MARCHF3: variants seen among roughly 807,000 people sequenced by gnomAD.
MARCHF3 encodes E3 ubiquitin-protein ligase MARCHF3.
A neutral mutation model predicts 24.2 loss-of-function variants in MARCHF3; 13 were observed. The ratio of observed to expected loss-of-function variants is 0.54; its 90% CI spans 0.35 to 0.85. The LOEUF is 0.85. MARCHF3 is among the 40% of genes least tolerant of loss of function. The pLI, the probability that MARCHF3 is intolerant of heterozygous loss-of-function variation, is 0.01. For missense variants in MARCHF3, 276 were observed against 325.0 expected (o/e 0.85, Z 1.16); for synonymous variants, 144 against 137.3 (o/e 1.05, Z -0.34).
intron 1 of MARCHF3, among the ~76,000 whole-genome samples, chr5:126,949,465 T>C (rs1750140001): frequency 6.6e-6 from 1 of 152,212 alleles, no homozygotes; most frequent in Admixed American, 6.5e-5. Context: ...GAGCTATTAA[T>C]ACATCCTGAA....
intron 1 of MARCHF3, among the ~76,000 whole-genome samples, chr5:126,980,238 T>G (rs1445261071): frequency 1.3e-5 from 2 of 152,136 alleles, no homozygotes; most frequent in Non-Finnish European, 1.5e-5. Flanking sequence ...GGGGCAGCCA[T>G]GTGGGAGCCC....
chr5:126,970,558 TA>T (rs1458062225), intron 1 of MARCHF3, among the ~76,000 whole-genome samples: 1 of 152,094 alleles, frequency 6.6e-6, no homozygotes, highest in African/African-American at 2.4e-5. Flanking sequence ...CAGGAACATC[TA>T]ATGTGTTTGT....
chr5:126,898,705 A>G (rs895189834), intron 3 of MARCHF3, among the ~76,000 whole-genome samples: 4 of 152,002 alleles, frequency 2.6e-5, no homozygotes, highest in Non-Finnish European at 4.4e-5. Context: ...TATAAATTCT[A>G]TTTTACAACT....
At position 126,915,081 on chromosome 5, in the gene MARCHF3, T is replaced by A. The variant is rs774477667; in HGVS notation, c.242A>T (p.Glu81Val). 3 of 1,614,212 alleles carry A rather than the reference T, an allele frequency of 1.9e-6. No homozygotes were observed. Among genetic ancestry groups the A allele is most frequent in the Non-Finnish European group, 1.7e-6 (2 of 1,180,042 alleles). ...CRICHEGSSQEDLLSPCECTG... is the reference protein window; with the variant it reads ...CRICHEGSSQVDLLSPCECTG... The stretch of plus-strand genomic sequence containing the variant: ...ACATTCACATGGAGAGAGCAAGTCC[T>A]CTTGGCTGCTGCCCTCGTGGCAGAT... The change falls in exon 3 of 5, where the codon GAG (glutamate) becomes GTG (valine). Residue 81 changes from glutamate (E) to valine (V), a missense_variant. Physicochemically the swap from Glu to Val is moderately radical, Grantham distance 121. Transcript: ENST00000308660.
intron 3 of MARCHF3, among the ~76,000 whole-genome samples, chr5:126,885,705 A>G (rs929198260): frequency 6.6e-6 from 1 of 152,232 alleles, no homozygotes. Flanking sequence ...ATTGGAAAGG[A>G]GAAACTTTGT....
rs1336046227 is a variant in MARCHF3, at chr5:126,916,675, T to TGACA, written c.188+1305_188+1308dup. On this transcript the variant is annotated intron_variant, in intron 2 of 4. Coordinates refer to ENST00000308660, the MANE Select transcript of MARCHF3 (RefSeq NM_178450.5). ...TGGTGGGAAAGCAGGTAAAAATACC[T>TGACA]GACAGACAGACAGACAGACACACAC... is the stretch of plus-strand genomic sequence containing the variant. Among the ~76,000 whole-genome samples the TGACA allele has an allele frequency of 5.3e-4, 59 of 112,322 alleles. 1 individual carries two copies. Among genetic ancestry groups the TGACA allele is most frequent in the Middle Eastern group, 8.8e-3 (2 of 226 alleles). 73.7% of individuals were successfully genotyped at this position (112,322 alleles called of 152,430 possible). A position where few individuals can be genotyped will look rare whatever the true frequency, so the allele number is the denominator to read the frequency against.
chr5:127,014,622 C>T (rs1290077992), intron 1 of MARCHF3, among the ~76,000 whole-genome samples: 1 of 152,080 alleles, frequency 6.6e-6, no homozygotes, highest in Non-Finnish European at 1.5e-5. Flanking sequence ...TACTATCCAG[C>T]CTTAAAAAAG....
intron 1 of MARCHF3, among the ~76,000 whole-genome samples, chr5:126,946,772 GTGTGTGTGTGTGTGTGTGTGTGTGTC>G (rs1311292435): frequency 2.0e-5 from 3 of 150,046 alleles, no homozygotes; most frequent in African/African-American, 7.4e-5. Flanking sequence ...GTGTGTGTGT[GTGTGTGTGTGTGTGTGTGTGTGTGTC>G]TGTGTGTGTG....
In MARCHF3 at chr5:126,870,406, G is replaced by T; in HGVS notation, c.*227C>A. On this transcript the variant is annotated 3_prime_UTR_variant, in exon 5 of 5. Transcript: ENST00000308660. The stretch of plus-strand genomic sequence containing the variant: ...AGTATCTGCTAAATAAACATGTTTG[G>T]CAGCTTAGCAAATATCATATGATTG... 1 of 446,720 alleles carries T rather than the reference G, an allele frequency of 2.2e-6. No individual in the cohort carries two copies. Among genetic ancestry groups the T allele is most frequent in the Non-Finnish European group, 4.0e-6 (1 of 247,144 alleles). 27.7% of individuals were successfully genotyped at this position (446,720 alleles called of 1,614,324 possible).
chr5:127,027,272 T>C (rs527465231), intron 1 of MARCHF3, among the ~76,000 whole-genome samples: 1 of 152,112 alleles, frequency 6.6e-6, no homozygotes, highest in Non-Finnish European at 1.5e-5. Context: ...AAAGTAAGAA[T>C]CTCTGGGCCT....
rs112284753 is a variant in MARCHF3 at position 126,918,382 on chromosome 5, G to GCACA, written c.-56-159_-56-156dup. Among the ~76,000 whole-genome samples, 937 of 149,526 alleles carry GCACA rather than the reference G, an allele frequency of 6.3e-3. 9 individuals carry two copies. Among genetic ancestry groups the GCACA allele is most frequent in the African/African-American group, 0.022 (886 of 40,874 alleles). On this transcript the variant is annotated intron_variant, in intron 1 of 4. Transcript: ENST00000308660. ...TATCTTGTTACTGTTTAATACAAGT[G>GCACA]CACACACACACACACACACAGAGCC...
At chr5:126,939,521 C>A (rs929038471) in intron 1 of MARCHF3, among the ~76,000 whole-genome samples, 8 of 152,044 alleles carry the variant, frequency 5.3e-5, no homozygotes, top group Non-Finnish European at 1.0e-4. Context: ...AACACAGAAC[C>A]ATAGTATCTG....
intron 1 of MARCHF3, among the ~76,000 whole-genome samples, chr5:126,983,714 CT>C (rs1238417731): frequency 6.6e-6 from 1 of 151,808 alleles, no homozygotes; most frequent in Non-Finnish European, 1.5e-5. Flanking sequence ...CAACTTGTCC[CT>C]TCCCTCATCC....
At chr5:126,986,253 C>T (rs865774506) in intron 1 of MARCHF3, among the ~76,000 whole-genome samples, 1 of 152,114 alleles carries the variant, frequency 6.6e-6, no homozygotes. Flanking sequence ...ACTAAAAATG[C>T]CTGCCACCTC....
chr5:126,989,319 CTACTACTACTACTACTACTAA>C (rs1751669252), intron 1 of MARCHF3, among the ~76,000 whole-genome samples: 1 of 138,696 alleles, frequency 7.2e-6, no homozygotes, highest in Admixed American at 6.9e-5. Flanking sequence ...ACTACTACTA[CTACTACTACTACTACTACTAA>C]TAATAATAAT....
chr5:126,956,720 A>T (rs563863298), intron 1 of MARCHF3, among the ~76,000 whole-genome samples: 7 of 151,788 alleles, frequency 4.6e-5, no homozygotes, highest in Non-Finnish European at 8.8e-5. Flanking sequence ...ACAAAAAAAA[A>T]CCCAGAAAGC....
intron 1 of MARCHF3, among the ~76,000 whole-genome samples, chr5:126,945,409 G>A (rs1242359001): frequency 6.6e-6 from 1 of 152,250 alleles, no homozygotes; most frequent in Non-Finnish European, 1.5e-5. Flanking sequence ...GTTATGGAGG[G>A]TGGGCAGAGG....
intron 1 of MARCHF3, among the ~76,000 whole-genome samples, chr5:126,923,392 GAAATTTGTTAT>G (rs1184993002): frequency 6.6e-6 from 1 of 152,200 alleles, no homozygotes; most frequent in Non-Finnish European, 1.5e-5. Context: ...AGAAGTGGGA[GAAATTTGTTAT>G]ACTGGCACCT....
chr5:127,015,977 T>C (rs1752627533), intron 1 of MARCHF3, among the ~76,000 whole-genome samples: 1 of 152,154 alleles, frequency 6.6e-6, no homozygotes. Flanking sequence ...CCCTCTGCAT[T>C]ATCAGATCAA....
Sources: allele counts gnomAD v4.1 joint callset (sites outside exome capture counted in the v4.1 genomes callset), GRCh38; gene constraint gnomAD v4.1.1; transcripts MANE v1.5; gene names NCBI Gene and HGNC (gene_info 2026-07-23, HGNC 2026-07-21).